SLIT2: variants seen among roughly 807,000 people sequenced by gnomAD.
SLIT2 encodes slit homolog 2 protein.
Under a neutral mutation model 185.7 loss-of-function variants are expected in SLIT2, and 41 were observed. That is an observed-to-expected ratio of 0.22 (90% CI 0.17 to 0.29). The LOEUF (loss-of-function observed/expected upper bound fraction) is 0.29. SLIT2 is among the 10% of genes least tolerant of loss of function. SLIT2 has a pLI of 1.00. For missense variants in SLIT2, 1,571 were observed against 1,909.0 expected, an observed-to-expected ratio of 0.82 and a Z score of 3.30; for synonymous variants, 693 against 680.2, an observed-to-expected ratio of 1.02 and a Z score of -0.29.
intron 26 of SLIT2, among the ~76,000 whole-genome samples, chr4:20,566,446 G>A (rs932883143): frequency 6.6e-6 from 1 of 152,056 alleles, no homozygotes; most frequent in Admixed American, 6.6e-5. Flanking sequence ...TTTCCACATT[G>A]TTAGTCATTT....
rs942344811 is a variant in SLIT2 at position 20,433,397 on chromosome 4, C to T, written c.396-34355C>T. Reference sequence around the variant, plus strand: ...TGTTAACATATGACATAATGATTAACTTAAATAAAGAAGCCCAGATACATG... The same window carrying T: ...TGTTAACATATGACATAATGATTAATTTAAATAAAGAAGCCCAGATACATG... On this transcript the variant is annotated intron_variant, in intron 4 of 36. Transcript: ENST00000504154. Among the ~76,000 whole-genome samples the T allele has an allele frequency of 3.3e-5, 5 of 152,182 alleles. No individual in the cohort carries two copies. In the East Asian group the frequency reaches 9.6e-4, roughly 29 times the overall value.
In SLIT2 at chr4:20,617,471, C is replaced by T. The variant is rs149702625; in HGVS notation, c.4169C>T (p.Ala1390Val). ...CATGGCACCTGCTTGCCCATCAATG[C>T]GTTCTCCTACAGCTGTAAGTGCTTG... is the stretch of plus-strand genomic sequence containing the variant. ...CVHGTCLPIN[A>V]FSYSCKCLEG... Residue 1390 changes from alanine to valine, a missense_variant, in exon 36 of 37, where the codon GCG becomes GTG. Around this residue, in one of 3 missense-constraint regions of SLIT2, gnomAD observed 223 missense variants for 245.2 expected, o/e 0.91. Coordinates refer to ENST00000504154, the MANE Select transcript of SLIT2 (RefSeq NM_004787.4). The T allele has an allele frequency of 1.1e-5, 18 of 1,613,994 alleles. No individual in the cohort carries two copies. The highest frequency in any genetic ancestry group is 1.5e-5 in the Non-Finnish European group (18 of 1,180,020).
At chr4:20,499,774 C>T (rs1364404525) in intron 9 of SLIT2, among the ~76,000 whole-genome samples, 1 of 152,096 alleles carries the variant, frequency 6.6e-6, no homozygotes, top group African/African-American at 2.4e-5. Flanking sequence ...AGGGACATCA[C>T]GCCATGCCCA....
chr4:20,341,946 G>T (rs1029329638), intron 4 of SLIT2, among the ~76,000 whole-genome samples: 1 of 152,048 alleles, frequency 6.6e-6, no homozygotes, highest in East Asian at 1.9e-4. Context: ...TTGTCTACAT[G>T]GTTAACTTCC....
intron 4 of SLIT2, among the ~76,000 whole-genome samples, chr4:20,371,030 C>T (rs982557154): frequency 6.6e-6 from 1 of 152,054 alleles, no homozygotes; most frequent in African/African-American, 2.4e-5. Context: ...TAAAGGTCAT[C>T]TTCATTAGGG....
intron 5 of SLIT2, among the ~76,000 whole-genome samples, chr4:20,480,255 T>C (rs1025432127): frequency 6.6e-6 from 1 of 152,188 alleles, no homozygotes; most frequent in African/African-American, 2.4e-5. Flanking sequence ...CTAAAAGTAG[T>C]CTTGCTCTCT....
chr4:20,448,599 G>T (rs1712094117), intron 4 of SLIT2, among the ~76,000 whole-genome samples: 1 of 151,984 alleles, frequency 6.6e-6, no homozygotes, highest in Non-Finnish European at 1.5e-5. Flanking sequence ...GGGATTACAG[G>T]CATGAGCCAC....
chr4:20,603,130 G>A (rs1728530081), intron 33 of SLIT2, among the ~76,000 whole-genome samples: 1 of 152,102 alleles, frequency 6.6e-6, no homozygotes, highest in African/African-American at 2.4e-5. Flanking sequence ...ACATGGCTAG[G>A]GAGGCCTCAC....
chr4:20,494,024 A>G (rs2148801190), intron 9 of SLIT2, among the ~76,000 whole-genome samples: 1 of 152,338 alleles, frequency 6.6e-6, no homozygotes, highest in African/African-American at 2.4e-5. Flanking sequence ...CAGTTCATGG[A>G]TGGTCATGTT....
At chr4:20,316,601 T>C (rs919225400) in intron 4 of SLIT2, among the ~76,000 whole-genome samples, 1 of 151,922 alleles carries the variant, frequency 6.6e-6, no homozygotes, top group East Asian at 1.9e-4. Context: ...TTCTGATTGA[T>C]TCACAGAAAT....
intron 33 of SLIT2, among the ~76,000 whole-genome samples, chr4:20,604,545 C>G (rs898591603): frequency 2.6e-5 from 4 of 152,114 alleles, no homozygotes; most frequent in Admixed American, 2.0e-4. Context: ...GATGGGGTTT[C>G]ACCATGTTAG....
intron 11 of SLIT2, among the ~76,000 whole-genome samples, chr4:20,517,456 G>A (rs1241564098): frequency 6.8e-6 from 1 of 147,852 alleles, no homozygotes; most frequent in Non-Finnish European, 1.5e-5. Flanking sequence ...TCTTAATCTT[G>A]ACCTCAAAAT....
intron 4 of SLIT2, among the ~76,000 whole-genome samples, chr4:20,452,835 C>T (rs1176442845): frequency 6.6e-6 from 1 of 152,202 alleles, no homozygotes; most frequent in East Asian, 1.9e-4. Flanking sequence ...GAACCGAGGC[C>T]TTTCTGCTGA....
At chr4:20,523,295 G>A (rs1720996567) in intron 12 of SLIT2, among the ~76,000 whole-genome samples, 1 of 152,176 alleles carries the variant, frequency 6.6e-6, no homozygotes, top group Admixed American at 6.5e-5. Context: ...CCAATTGGGA[G>A]CTGTCGCATG....
At chr4:20,440,670 A>G (rs1043713694) in intron 4 of SLIT2, among the ~76,000 whole-genome samples, 10 of 152,170 alleles carry the variant, frequency 6.6e-5, no homozygotes, top group African/African-American at 2.2e-4. Context: ...TGAAGTTGCC[A>G]TTTTCTCAGA....
intron 3 of SLIT2, among the ~76,000 whole-genome samples, chr4:20,260,612 T>C (rs932239779): frequency 2.0e-5 from 3 of 151,798 alleles, no homozygotes; most frequent in Admixed American, 6.6e-5. Context: ...GATGGACTTT[T>C]AACTTGATCT....
Position 20,510,532 on chromosome 4 carries a change from G to A in SLIT2, c.952G>A (p.Gly318Arg). Reference protein sequence around the residue: ...EQNTIKVIPPGAFSPYKKLRR... With the variant: ...EQNTIKVIPPRAFSPYKKLRR... The stretch of plus-strand genomic sequence containing the variant: ...GAACACAATCAAAGTCATCCCTCCT[G>A]GAGCTTTCTCACCATATAAAAAGCT... The change falls in exon 10 of 37, where the codon GGA becomes AGA. Residue 318 changes from glycine (G) to arginine (R), a missense_variant. This residue lies in a region of SLIT2 where 1,202 missense variants were observed against 1,416.4 expected (regional missense o/e 0.85). Transcript: ENST00000504154. 1 of 1,610,756 alleles carries A rather than the reference G, an allele frequency of 6.2e-7. No homozygotes were observed. Among genetic ancestry groups the A allele is most frequent in the Non-Finnish European group, 8.5e-7 (1 of 1,177,650 alleles).
intron 29 of SLIT2, among the ~76,000 whole-genome samples, chr4:20,585,940 G>A (rs1411680814): frequency 6.6e-6 from 1 of 152,116 alleles, no homozygotes; most frequent in Non-Finnish European, 1.5e-5. Flanking sequence ...TTCAATATTG[G>A]TAACTAAAAA....
intron 4 of SLIT2, among the ~76,000 whole-genome samples, chr4:20,396,015 A>G (rs1180800096): frequency 4.6e-5 from 7 of 151,928 alleles, no homozygotes; most frequent in Admixed American, 3.9e-4. Context: ...AGTAGTAAAT[A>G]TTTAAAAGTA....
Sources: gnomAD v4.1 joint callset for allele counts (sites outside exome capture counted in the v4.1 genomes callset) on GRCh38, gnomAD v4.1.1 for gene constraint, gnomAD v4.1.1 regional missense constraint, MANE v1.5 for transcripts, NCBI Gene and HGNC (gene_info 2026-07-23, HGNC 2026-07-21) for gene names.